The following WNT7A variants were observed in gnomAD, a reference collection of about 807,000 sequenced individuals.
The protein encoded by WNT7A is Wnt family member 7A.
In WNT7A, 16 loss-of-function variants were observed where a neutral mutation model predicts 28.2. The observed-to-expected ratio is 0.57, with a 90% CI of 0.38 to 0.86. The LOEUF is 0.86. Among genes scored for constraint, WNT7A ranks in the 40% least tolerant of loss-of-function variants. The pLI, the probability that WNT7A is intolerant of heterozygous loss-of-function variation, is 0.00. For missense variants in WNT7A, 411 were observed against 489.7 expected, an observed-to-expected ratio of 0.84 and a Z score of 1.52; for synonymous variants, 190 against 195.9, an observed-to-expected ratio of 0.97 and a Z score of 0.25.
rs372034713 is a variant in WNT7A at position 13,879,562 on chromosome 3, C to T, written c.71+184G>A. On this transcript the variant is annotated intron_variant, in intron 1 of 3. Coordinates refer to ENST00000285018, the MANE Select transcript of WNT7A (RefSeq NM_004625.4). ...TCCTCAGGATGGCCAGTCCCCCTGC[C>T]TATATCTCCTGGGGTGTCCTGCGGG... Among the ~76,000 whole-genome samples the T allele has an allele frequency of 1.6e-4, 24 of 152,298 alleles. No homozygotes were observed. The East Asian group carries it at 2.9e-3, about 18-fold the overall frequency.
At chr3:13,850,051 G>A (rs1433592118) in intron 3 of WNT7A, among the ~76,000 whole-genome samples, 1 of 152,240 alleles carries the variant, frequency 6.6e-6, no homozygotes, top group Non-Finnish European at 1.5e-5. Flanking sequence ...GAAAGGCTGA[G>A]ATGTGTGCAA....
At chr3:13,826,461 G>A (rs1302151587) in intron 3 of WNT7A, among the ~76,000 whole-genome samples, 1 of 152,144 alleles carries the variant, frequency 6.6e-6, no homozygotes. Context: ...GGTAGATGGG[G>A]AAAAGGCATT....
intron 2 of WNT7A, among the ~76,000 whole-genome samples, chr3:13,870,089 T>C (rs1695007638): frequency 6.6e-6 from 1 of 152,178 alleles, no homozygotes; most frequent in South Asian, 2.1e-4. Flanking sequence ...GTCTCACTTC[T>C]GAGAGCCCGC....
At chr3:13,834,411 G>A (rs1243298247) in intron 3 of WNT7A, among the ~76,000 whole-genome samples, 9 of 152,046 alleles carry the variant, frequency 5.9e-5, no homozygotes, top group East Asian at 3.9e-4. Context: ...TCAGGGGCAC[G>A]CTGTGGGTCA....
At chr3:13,866,862 G>A (rs1694918909) in intron 2 of WNT7A, among the ~76,000 whole-genome samples, 1 of 152,190 alleles carries the variant, frequency 6.6e-6, no homozygotes, top group Admixed American at 6.5e-5. Flanking sequence ...GGAGGAGGTG[G>A]AGTGCATTTG....
rs1231077890 is a variant in WNT7A, at chr3:13,818,046, C to G, written c.*898G>C. 6.6e-6 allele frequency: 1 copy of G among 152,284 alleles called. No individual in the cohort carries two copies. Among genetic ancestry groups the G allele is most frequent in the Middle Eastern group, 3.4e-3 (1 of 294 alleles). 9.4% of individuals were successfully genotyped at this position (152,284 alleles called of 1,614,324 possible). A position where few individuals can be genotyped will look rare whatever the true frequency, so the allele number is the denominator to read the frequency against. ...CACAACCAGGCATCGCCCCTCCTTA[C>G]CCCTAAGTGAGTACCAGAATTAAGA... On this transcript the variant is annotated 3_prime_UTR_variant, in exon 4 of 4. Transcript: ENST00000285018.
At chr3:13,851,040 T>C (rs1034354981) in intron 3 of WNT7A, among the ~76,000 whole-genome samples, 9 of 152,102 alleles carry the variant, frequency 5.9e-5, no homozygotes, top group African/African-American at 1.9e-4. Context: ...ATGGCTTCCA[T>C]TACGACCCTG....
intron 2 of WNT7A, among the ~76,000 whole-genome samples, chr3:13,866,531 G>T (rs1037792707): frequency 2.0e-5 from 3 of 152,220 alleles, no homozygotes; most frequent in African/African-American, 7.2e-5. Context: ...GCTACACAGT[G>T]AGAGCGGACA....
chr3:13,867,870 G>T (rs1694936694), intron 2 of WNT7A, among the ~76,000 whole-genome samples: 1 of 152,212 alleles, frequency 6.6e-6, no homozygotes, highest in Admixed American at 6.5e-5. Context: ...TCTCAGGGAA[G>T]TGCAAATCAG....
chr3:13,857,351 C>G (rs7631306), intron 2 of WNT7A, among the ~76,000 whole-genome samples: 65,533 of 151,868 alleles, frequency 0.43, 16,898 homozygotes, highest in East Asian at 0.83. Flanking sequence ...GAGGCAGGGC[C>G]TTGGTAAAGA....
chr3:13,869,554 AAAG>A lies in WNT7A; in HGVS notation c.298+5390_298+5392del, dbSNP rs531614100. Among the ~76,000 whole-genome samples the A allele has an allele frequency of 7.3e-5, 11 of 150,206 alleles. No individual in the cohort carries two copies. The South Asian group carries it at 2.4e-3, about 32-fold the overall frequency. On this transcript the variant is annotated intron_variant, in intron 2 of 3. Coordinates refer to ENST00000285018, the MANE Select transcript of WNT7A (RefSeq NM_004625.4). ...GAGAGCAAGAAAGAAAAAAGAAAGAAAAGAAGGAAGGAATGAAGAGAGAGAGAG... is the reference window on the plus strand; with the variant it reads ...GAGAGCAAGAAAGAAAAAAGAAAGAAAAGGAAGGAATGAAGAGAGAGAGAG...
chr3:13,874,755 GA>G (rs987331710), intron 2 of WNT7A, among the ~76,000 whole-genome samples, 191 bp downstream of exon 2: 1 of 134,084 alleles, frequency 7.5e-6, no homozygotes, highest in Non-Finnish European at 1.7e-5. Flanking sequence ...ATAAACGATT[GA>G]GGGGGTATGG....
At chr3:13,861,603 G>A (rs1694832317) in intron 2 of WNT7A, among the ~76,000 whole-genome samples, 1 of 152,210 alleles carries the variant, frequency 6.6e-6, no homozygotes, top group African/African-American at 2.4e-5. Flanking sequence ...CTCTCTAGGG[G>A]CAAAGAAGGC....
At chr3:13,871,757 C>T (rs1282259049) in intron 2 of WNT7A, among the ~76,000 whole-genome samples, 1 of 152,144 alleles carries the variant, frequency 6.6e-6, no homozygotes, top group African/African-American at 2.4e-5. Flanking sequence ...CCACTGCCAC[C>T]CTACCCTGCA....
intron 1 of WNT7A, among the ~76,000 whole-genome samples, chr3:13,875,669 T>A (rs1228643513): frequency 6.6e-6 from 1 of 152,200 alleles, no homozygotes; most frequent in South Asian, 2.1e-4. Flanking sequence ...ATCTGTTTTT[T>A]AATGTATATG....
chr3:13,854,834 G>T (rs1694704831), intron 2 of WNT7A, 31 bp from the exon 3 acceptor site: 1 of 1,609,648 alleles, frequency 6.2e-7, no homozygotes, highest in Admixed American at 1.7e-5. Context: ...GAGACAAGTT[G>T]GGGTCAGGTC....
intron 2 of WNT7A, among the ~76,000 whole-genome samples, chr3:13,869,128 TGAAA>T (rs1383478625): frequency 2.4e-5 from 2 of 83,060 alleles, no homozygotes; most frequent in African/African-American, 4.9e-5. Context: ...GAGGGAGGAA[TGAAA>T]GAAAGAAGGA....
At chr3:13,836,149 A>G (rs1694363863) in intron 3 of WNT7A, among the ~76,000 whole-genome samples, 1 of 151,746 alleles carries the variant, frequency 6.6e-6, no homozygotes, top group African/African-American at 2.4e-5. Context: ...TGTACACTCT[A>G]AGAGGATGGA....
chr3:13,849,526 C>G (rs185224158), intron 3 of WNT7A, among the ~76,000 whole-genome samples: 3 of 152,184 alleles, frequency 2.0e-5, no homozygotes, highest in Admixed American at 1.3e-4. Context: ...TGAGCACTTA[C>G]GATGCGCCAG....
Sources: allele counts gnomAD v4.1 joint callset (sites outside exome capture counted in the v4.1 genomes callset), GRCh38; gene constraint gnomAD v4.1.1; transcripts MANE v1.5; gene names NCBI Gene and HGNC (gene_info 2026-07-23, HGNC 2026-07-21).